Variants in MYLK2 observed in about 807,000 individuals in gnomAD.
The protein encoded by MYLK2 is myosin light chain kinase 2, skeletal/cardiac muscle.
MYLK2 carries 27 observed loss-of-function variants against 58.2 expected under a neutral mutation model. The observed-to-expected ratio is 0.46, with a 90% CI of 0.34 to 0.64. MYLK2 has a LOEUF of 0.64. Among genes scored for constraint, MYLK2 ranks in the 30% least tolerant of loss-of-function variants. The pLI is 0.01. For synonymous variants in MYLK2, 310 were observed against 296.7 expected, an observed-to-expected ratio of 1.04 and a Z score of -0.46; for missense variants, 676 against 764.3, an observed-to-expected ratio of 0.88 and a Z score of 1.36.
Position 31,831,122 on chromosome 20 carries a change from G to C in MYLK2, c.1405G>C (p.Gly469Arg), listed in dbSNP as rs1568634635. ...ISDKTDMWSM[G>R]VITYMLLSGL... ...CGATAAGACAGACATGTGGAGTATG[G>C]GGGTGATCACCTACATGCTGTGAGC... The change falls in exon 10 of 13, where the codon GGG becomes CGG. Residue 469 changes from glycine (G) to arginine (R), a missense_variant. Gly to Arg is a moderately radical substitution (Grantham distance 125). Around this residue, in one of 2 missense-constraint regions of MYLK2, gnomAD observed 370 missense variants for 467.8 expected, o/e 0.79. Transcript: ENST00000375985. 6 of 1,614,120 alleles carry C rather than the reference G, an allele frequency of 3.7e-6. No homozygotes were observed. The highest frequency in any genetic ancestry group is 4.2e-6 in the Non-Finnish European group (5 of 1,179,996).
chr20:31,827,471 G>A (rs1218079061), intron 8 of MYLK2: 7 of 985,292 alleles, frequency 7.1e-6, no homozygotes, highest in Non-Finnish European at 7.2e-6. Flanking sequence ...GCGTGGCAAT[G>A]TGCATGAGGT....
At chr20:31,826,961 G>A (rs1399119857) in intron 8 of MYLK2, 23 bp downstream of exon 8, 1 of 1,613,772 alleles carries the variant, frequency 6.2e-7, no homozygotes, top group African/African-American at 1.3e-5. Context: ...GGCCTCCTGG[G>A]AAGGGTCAGG....
At position 31,832,072 on chromosome 20, in the gene MYLK2, G is replaced by T; in HGVS notation, c.1646G>T (p.Arg549Leu). 1 of 1,608,082 alleles carries T rather than the reference G, an allele frequency of 6.2e-7. No homozygotes were observed. Among genetic ancestry groups the T allele is most frequent in the East Asian group, 2.2e-5 (1 of 44,686 alleles). Residue 549 changes from arginine (R) to leucine (L), a missense_variant, in exon 12 of 13, where the codon CGC (arginine) becomes CTC (leucine). Arg to Leu is a moderately radical substitution (Grantham distance 102). Transcript: ENST00000375985. ...AACAACCTGGCGGAGAAAGCCAAAC[G>T]CTGTAACCGACGCCTTAAGTCCCAG... The part of the protein sequence containing the change: ...WLNNLAEKAK[R>L]CNRRLKSQIL...
At chr20:31,819,901 C>T (rs545946108) in intron 2 of MYLK2, among the ~76,000 whole-genome samples, 1 of 152,300 alleles carries the variant, frequency 6.6e-6, no homozygotes, top group African/African-American at 2.4e-5. Context: ...ATGATGGGGG[C>T]CACCAAGGCC....
chr20:31,830,954 T>C, intron 9 of MYLK2, 59 bp from the exon 10 acceptor site: 4 of 1,457,560 alleles, frequency 2.7e-6, no homozygotes, highest in Non-Finnish European at 3.6e-6. Context: ...AGGGGTGGGG[T>C]GGAGGGGGCA....
rs2062246924 is a variant in MYLK2, at chr20:31,820,442, T to C, written c.369T>C (p.Pro123=). ...AEQGASGSQD[P]GKPRVGKKAA... ...AGGGAGCCTCAGGCAGCCAGGATCCTGGAAAGCCCAGGGTGGGCAAGAAGG... is the reference window on the plus strand; with the variant it reads ...AGGGAGCCTCAGGCAGCCAGGATCCCGGAAAGCCCAGGGTGGGCAAGAAGG... The change falls in exon 3 of 13, where the codon CCT becomes CCC. Residue 123 remains proline (P), a synonymous_variant. Transcript: ENST00000375985. 6.2e-7 allele frequency: 1 copy of C among 1,612,492 alleles called. No individual in the cohort carries two copies. The highest frequency in any genetic ancestry group is 1.1e-5 in the South Asian group (1 of 91,062).
Position 31,824,371 on chromosome 20 carries a change from T to A in MYLK2, c.972+19T>A. 6.2e-7 allele frequency: 1 copy of A among 1,600,802 alleles called. No individual in the cohort carries two copies. The highest frequency in any genetic ancestry group is 8.5e-7 in the Non-Finnish European group (1 of 1,172,470). On this transcript the variant is annotated intron_variant, in intron 6 of 12. Transcript: ENST00000375985. Reference sequence around the variant, plus strand: ...AGACAAGGTAGTGAGGTTGCGGGGGTGGTGGCTGCCCAGGATGGGGAGGGG... The same window carrying A: ...AGACAAGGTAGTGAGGTTGCGGGGGAGGTGGCTGCCCAGGATGGGGAGGGG...
At chr20:31,824,032 T>C in intron 5 of MYLK2, 1 of 985,452 alleles carries the variant, frequency 1.0e-6, no homozygotes, top group Non-Finnish European at 1.2e-6. Context: ...GCTCTTCCTG[T>C]GCACGTGGTC....
intron 4 of MYLK2, among the ~76,000 whole-genome samples, 154 bp from the exon 5 acceptor site, chr20:31,823,323 C>T (rs1218503153): frequency 6.6e-6 from 1 of 152,196 alleles, no homozygotes; most frequent in Non-Finnish European, 1.5e-5. Flanking sequence ...AAACTGGGCC[C>T]CATAGCCCCT....
At chr20:31,824,654 G>A (rs563583460) in intron 6 of MYLK2, 1 of 839,368 alleles carries the variant, frequency 1.2e-6, no homozygotes, top group Non-Finnish European at 1.4e-6. Flanking sequence ...TCTGGGCCAG[G>A]CCCTGTGCTG....
rs6060971 is a variant in MYLK2 at position 31,823,624 on chromosome 20, T to C, written c.878+42T>C. 115,632 of 1,574,600 alleles carry C rather than the reference T, an allele frequency of 0.073. 4,730 individuals carry two copies. The highest frequency in any genetic ancestry group is 0.14 in the African/African-American group (10,295 of 74,254). ...CAGCTGGGCACTCATGGACAGAGAG[T>C]ACACCGGGCTCCTGTGGCTTCACAT... On this transcript the variant is annotated intron_variant, in intron 5 of 12. Transcript: ENST00000375985.
At chr20:31,830,723 C>A in intron 8 of MYLK2, 96 bp from the exon 9 acceptor site, 1 of 1,288,164 alleles carries the variant, frequency 7.8e-7, no homozygotes, top group Non-Finnish European at 1.1e-6. Context: ...GCAGCTTGGG[C>A]CTCTGCCTCA....
At position 31,821,718 on chromosome 20, in the gene MYLK2, G is replaced by T; in HGVS notation, c.753G>T (p.Glu251Asp). Residue 251 changes from glutamate to aspartate, a missense_variant, in exon 4 of 13, where the codon GAG (glutamate) becomes GAT (aspartate). Physicochemically the swap from Glu to Asp is conservative, Grantham distance 45. Transcript: ENST00000375985. ...GQALCLTAREEDCFQILDDCP... is the reference protein window; with the variant it reads ...GQALCLTAREDDCFQILDDCP... Reference sequence around the variant, plus strand: ...CCCTCTGTCTCACAGCCAGGGAGGAGGACTGCTTCCAGATTTTGGGTAGGC... The same window carrying T: ...CCCTCTGTCTCACAGCCAGGGAGGATGACTGCTTCCAGATTTTGGGTAGGC... 6.2e-7 allele frequency: 1 copy of T among 1,604,688 alleles called. No homozygotes were observed. The highest frequency in any genetic ancestry group is 8.5e-7 in the Non-Finnish European group (1 of 1,173,522).
rs376565541 is a variant in MYLK2 at position 31,831,980 on chromosome 20, G to A, written c.1578-24G>A. The stretch of plus-strand genomic sequence containing the variant: ...GGGCCTCACGAGCATGCAGCCCACC[G>A]TCACCATGCTGCCTCTCCCCCAGGG... On this transcript the variant is annotated intron_variant, in intron 11 of 12. Transcript: ENST00000375985. 2.8e-5 allele frequency: 45 copies of A among 1,611,868 alleles called. No homozygotes were observed. The Middle Eastern group carries it at 8.2e-4, about 29-fold the overall frequency.
intron 8 of MYLK2, chr20:31,827,550 A>G: frequency 1.0e-6 from 1 of 985,068 alleles, no homozygotes; most frequent in Non-Finnish European, 1.2e-6. Flanking sequence ...ATAGAGTCTC[A>G]CTCTGTTGCC....
chr20:31,829,911 C>G (rs1022885681), intron 8 of MYLK2, among the ~76,000 whole-genome samples: 1 of 152,180 alleles, frequency 6.6e-6, no homozygotes, highest in Non-Finnish European at 1.5e-5. Context: ...TTGGCTGAGC[C>G]CCTACTGGGT....
At chr20:31,822,688 C>T (rs2062257241) in intron 4 of MYLK2, among the ~76,000 whole-genome samples, 1 of 152,074 alleles carries the variant, frequency 6.6e-6, no homozygotes, top group Admixed American at 6.5e-5. Flanking sequence ...CCTGGGAGAC[C>T]CGCCAGCCTG....
chr20:31,828,948 A>G (rs554123183), intron 8 of MYLK2, among the ~76,000 whole-genome samples: 21 of 152,216 alleles, frequency 1.4e-4, no homozygotes, highest in Non-Finnish European at 2.2e-4. Context: ...GGGGAGGGAA[A>G]GGGGCCAGAT....
chr20:31,832,968 G>A lies in MYLK2; in HGVS notation c.1711-749G>A, dbSNP rs573122858. ...AGTGGCGCTATCATGGCTCACTGTA[G>A]TCTTGACCTTCTGGGCTCAAGTGAT... On this transcript the variant is annotated intron_variant, in intron 12 of 12. Coordinates refer to ENST00000375985, the MANE Select transcript of MYLK2 (RefSeq NM_033118.4). Among the ~76,000 whole-genome samples the A allele has an allele frequency of 3.9e-5, 6 of 152,248 alleles. No individual in the cohort carries two copies. The East Asian group carries it at 1.2e-3, about 29-fold the overall frequency.
Sources: gnomAD v4.1 joint callset for allele counts (sites outside exome capture counted in the v4.1 genomes callset) on GRCh38, gnomAD v4.1.1 for gene constraint, gnomAD v4.1.1 regional missense constraint, MANE v1.5 for transcripts, NCBI Gene and HGNC (gene_info 2026-07-23, HGNC 2026-07-21) for gene names.